XYLT1: variants seen among roughly 807,000 people sequenced by gnomAD.
XYLT1 encodes the protein beta-D-xylosyltransferase 1.
XYLT1 carries 36 observed loss-of-function variants against 91.3 expected under a neutral mutation model. The ratio of observed to expected loss-of-function variants is 0.39; its 90% CI spans 0.30 to 0.52. The LOEUF is 0.52. Ranked by LOEUF, XYLT1 falls within the 20% of genes least tolerant of loss-of-function variation. The probability of loss-of-function intolerance (pLI) is 0.68; values close to 1 mark genes in which losing one functional copy is unlikely to be tolerated. For missense variants in XYLT1, 1,242 were observed against 1,284.5 expected (o/e 0.97, Z 0.51); for synonymous variants, 588 against 532.0 (o/e 1.11, Z -1.45).
intron 5 of XYLT1, among the ~76,000 whole-genome samples, chr16:17,191,637 T>C (rs1004045267): frequency 1.3e-5 from 2 of 152,230 alleles, no homozygotes; most frequent in African/African-American, 4.8e-5. Flanking sequence ...TCTTGCTCAA[T>C]TGGTCCCATA....
rs1191715965 is a variant in XYLT1, at chr16:17,141,142, C to CAGAT, written c.1587+7_1587+10dup. The CAGAT allele has an allele frequency of 6.2e-7, 1 of 1,610,392 alleles. No homozygotes were observed. Among genetic ancestry groups the CAGAT allele is most frequent in the South Asian group, 1.1e-5 (1 of 90,922 alleles). Reference sequence around the variant, plus strand: ...CCTATCTTTCTTGGGAAAATTTTCCCAGATACTCACCTCAGCAGGAAGCAG... The same window carrying CAGAT: ...CCTATCTTTCTTGGGAAAATTTTCCCAGATAGATACTCACCTCAGCAGGAAGCAG... On this transcript the variant is annotated intron_variant, in intron 7 of 11. Transcript: ENST00000261381.
chr16:17,338,837 G>C (rs1044404759), intron 2 of XYLT1, among the ~76,000 whole-genome samples: 1 of 152,072 alleles, frequency 6.6e-6, no homozygotes, highest in Non-Finnish European at 1.5e-5. Context: ...CACCCACTTC[G>C]GCCTCCCAAA....
chr16:17,138,550 C>CCCAGCCTGAGACCTCTCCCAGCCT lies in XYLT1; in HGVS notation c.1588-43_1588-20dup. The CCCAGCCTGAGACCTCTCCCAGCCT allele has an allele frequency of 6.2e-7, 1 of 1,609,150 alleles. No individual in the cohort carries two copies. The highest frequency in any genetic ancestry group is 8.5e-7 in the Non-Finnish European group (1 of 1,176,102). On this transcript the variant is annotated intron_variant, in intron 7 of 11. Transcript: ENST00000261381. Reference sequence around the variant, plus strand: ...AGAAGGACTGCAGGGGAGAGAGGGACCCAGCCTGAGACCTCTCCCAGCCTC... The same window carrying CCCAGCCTGAGACCTCTCCCAGCCT: ...AGAAGGACTGCAGGGGAGAGAGGGACCCAGCCTGAGACCTCTCCCAGCCTCCAGCCTGAGACCTCTCCCAGCCTC...
At position 17,108,905 on chromosome 16, in the gene XYLT1, C is replaced by T. The variant is rs1310605851; in HGVS notation, c.2670G>A (p.Gln890=). 3 of 1,606,936 alleles carry T rather than the reference C, an allele frequency of 1.9e-6. No homozygotes were observed. Among genetic ancestry groups the T allele is most frequent in the African/African-American group, 2.7e-5 (2 of 74,836 alleles). ...SLPINPAQVE[Q]ARRNAASTGT... The stretch of plus-strand genomic sequence containing the variant: ...CCGTGGAGGCTGCGTTCCTCCGTGC[C>T]TGTTCCACCTGGGCGGGGTTGATGG... The change falls in exon 12 of 12, where the codon CAG becomes CAA. Residue 890 remains glutamine (Q), a synonymous_variant. Coordinates refer to ENST00000261381, the MANE Select transcript of XYLT1 (RefSeq NM_022166.4).
chr16:17,261,728 C>T (rs747380976), intron 2 of XYLT1, among the ~76,000 whole-genome samples: 1 of 152,010 alleles, frequency 6.6e-6, no homozygotes, highest in Non-Finnish European at 1.5e-5. Flanking sequence ...GCAGCAGCCA[C>T]GAAGCACGTG....
At chr16:17,395,925 G>A (rs1489629046) in intron 1 of XYLT1, among the ~76,000 whole-genome samples, 1 of 152,174 alleles carries the variant, frequency 6.6e-6, no homozygotes, top group African/African-American at 2.4e-5. Flanking sequence ...GCCAAGGGGG[G>A]CTGTGATGTT....
Position 17,312,060 on chromosome 16 carries a change from A to C in XYLT1, c.402+45952T>G, listed in dbSNP as rs2034560088. On this transcript the variant is annotated intron_variant, in intron 2 of 11. Transcript: ENST00000261381. The surrounding 1 kb of genome is among the most constrained non-coding windows in gnomAD (Gnocchi z 4.4). Reference sequence around the variant, plus strand: ...AAACCATATCAATGGGGGTTTAAGCAGAGGTCTGAGGCCCAGAAAGGCCTT... The same window carrying C: ...AAACCATATCAATGGGGGTTTAAGCCGAGGTCTGAGGCCCAGAAAGGCCTT... Among the ~76,000 whole-genome samples, 1 of 152,190 alleles carries C rather than the reference A, an allele frequency of 6.6e-6. No individual in the cohort carries two copies. The highest frequency in any genetic ancestry group is 1.5e-5 in the Non-Finnish European group (1 of 68,042).
At chr16:17,403,098 G>A (rs941372533) in intron 1 of XYLT1, among the ~76,000 whole-genome samples, 2 of 152,154 alleles carry the variant, frequency 1.3e-5, no homozygotes, top group Admixed American at 6.5e-5. Context: ...GATACACAGA[G>A]ACAAACAAGT....
intron 2 of XYLT1, among the ~76,000 whole-genome samples, chr16:17,269,644 C>T (rs1471437969): frequency 6.6e-6 from 1 of 152,124 alleles, no homozygotes; most frequent in African/African-American, 2.4e-5. Context: ...TGTAAGAGAG[C>T]AGGAGCCACA....
intron 2 of XYLT1, among the ~76,000 whole-genome samples, chr16:17,270,308 C>A (rs538004930): frequency 6.6e-6 from 1 of 152,358 alleles, no homozygotes; most frequent in Admixed American, 6.5e-5. Flanking sequence ...AAGGCTAAGT[C>A]CTTGGGGTAA....
At chr16:17,315,723 C>G (rs187728092) in intron 2 of XYLT1, among the ~76,000 whole-genome samples, 1 of 152,144 alleles carries the variant, frequency 6.6e-6, no homozygotes, top group Non-Finnish European at 1.5e-5. Flanking sequence ...GGTTAGAAAA[C>G]GGAAGCTCAG....
chr16:17,416,181 C>G (rs1305018572), intron 1 of XYLT1, among the ~76,000 whole-genome samples: 1 of 152,214 alleles, frequency 6.6e-6, no homozygotes, highest in African/African-American at 2.4e-5. Flanking sequence ...CTATACAGCT[C>G]CCGCCCTGTC....
At chr16:17,350,694 G>T (rs1440258795) in intron 2 of XYLT1, among the ~76,000 whole-genome samples, 1 of 150,824 alleles carries the variant, frequency 6.6e-6, no homozygotes, top group Non-Finnish European at 1.5e-5. Flanking sequence ...CTCAACAGAT[G>T]CTGGGCACCA....
intron 3 of XYLT1, among the ~76,000 whole-genome samples, chr16:17,208,165 T>C (rs1022889355): frequency 1.6e-4 from 25 of 151,902 alleles, no homozygotes; most frequent in African/African-American, 6.0e-4. Flanking sequence ...TTGAAATGTT[T>C]GGTAGAGACA....
intron 8 of XYLT1, among the ~76,000 whole-genome samples, chr16:17,136,510 C>T (rs1316131177): frequency 6.6e-6 from 1 of 152,162 alleles, no homozygotes; most frequent in Non-Finnish European, 1.5e-5. Flanking sequence ...GTTACTCAAA[C>T]TCTCTGGGCC....
chr16:17,394,694 A>G (rs1414755537), intron 1 of XYLT1, among the ~76,000 whole-genome samples: 1 of 152,254 alleles, frequency 6.6e-6, no homozygotes, highest in Non-Finnish European at 1.5e-5. Context: ...TTTGAATCCC[A>G]GCAGTGCTAC....
Position 17,102,922 on chromosome 16 carries a change from T to C in XYLT1, c.*5773A>G, listed in dbSNP as rs1966725711. ...CTTAGAGTGAGGCCTCTAAAACAAA[T>C]ACCCAAACAAATGCTATTGACAACA... On this transcript the variant is annotated 3_prime_UTR_variant, in exon 12 of 12. Transcript: ENST00000261381. The C allele has an allele frequency of 2.0e-5, 3 of 150,050 alleles. No individual in the cohort carries two copies. The highest frequency in any genetic ancestry group is 4.5e-5 in the Non-Finnish European group (3 of 67,278). The allele number at this position is 150,050 out of a possible 1,614,324, so 9.3% of individuals were successfully genotyped here.
chr16:17,279,885 T>A (rs962602367), intron 2 of XYLT1, among the ~76,000 whole-genome samples: 5 of 152,170 alleles, frequency 3.3e-5, no homozygotes, highest in Non-Finnish European at 5.9e-5. Context: ...CCCAGCACAA[T>A]CTTCCGTGGC....
At chr16:17,253,020 A>G (rs1221457733) in intron 3 of XYLT1, among the ~76,000 whole-genome samples, 2 of 152,236 alleles carry the variant, frequency 1.3e-5, no homozygotes, top group South Asian at 2.1e-4. Flanking sequence ...AAGAAATAAA[A>G]GGACCACTGG....
Sources: allele counts gnomAD v4.1 joint callset (sites outside exome capture counted in the v4.1 genomes callset), GRCh38; gene constraint gnomAD v4.1.1; non-coding constraint Gnocchi (gnomAD v3.1); transcripts MANE v1.5; gene names NCBI Gene and HGNC (gene_info 2026-07-23, HGNC 2026-07-21).